BTBD7: variants seen among roughly 807,000 people sequenced by gnomAD.
The protein encoded by BTBD7 is BTB domain containing 7, also known as BTB/POZ domain-containing protein 7.
Under a neutral mutation model 99.9 loss-of-function variants are expected in BTBD7, and 38 were observed. That is an observed-to-expected ratio of 0.38 (90% CI 0.29 to 0.50). BTBD7 has a LOEUF of 0.50. BTBD7 is among the 20% of genes least tolerant of loss of function. BTBD7 has a pLI of 0.93. For synonymous variants in BTBD7, 520 were observed against 511.4 expected, an observed-to-expected ratio of 1.02 and a Z score of -0.23; for missense variants, 1,170 against 1,394.6, an observed-to-expected ratio of 0.84 and a Z score of 2.57.
chr14:93,305,294 C>A (rs2053056934), intron 1 of BTBD7, among the ~76,000 whole-genome samples: 1 of 152,136 alleles, frequency 6.6e-6, no homozygotes, highest in Non-Finnish European at 1.5e-5. Flanking sequence ...TTTAAAGAAT[C>A]TTTGTTGGCA....
chr14:93,251,109 T>C (rs974539137), intron 8 of BTBD7, among the ~76,000 whole-genome samples: 1 of 152,230 alleles, frequency 6.6e-6, no homozygotes, highest in African/African-American at 2.4e-5. Context: ...GAGGTGTGCA[T>C]GCATGCACAT....
intron 3 of BTBD7, among the ~76,000 whole-genome samples, chr14:93,265,649 C>T (rs906009715): frequency 9.9e-5 from 15 of 152,186 alleles, no homozygotes; most frequent in African/African-American, 2.9e-4. Context: ...GGGCCGGGTG[C>T]GGCGGCGCAC....
At position 93,294,085 on chromosome 14, in the gene BTBD7, C is replaced by A. The variant is rs1222809253; in HGVS notation, c.935G>T (p.Arg312Ile). The A allele has an allele frequency of 3.7e-6, 6 of 1,614,028 alleles. No individual in the cohort carries two copies. In the Admixed American group the frequency reaches 6.7e-5, roughly 18 times the overall value. ...TATAATGGACTCATCTAATATAATT[C>A]TTGTGGGAGTCCTCAAAGTTCGGTC... The part of the protein sequence containing the change: ...ITDRTLRTPT[R>I]IILDESIIPK... Residue 312 changes from arginine to isoleucine, a missense_variant, in exon 3 of 11, where the codon AGA becomes ATA. By Grantham distance (97) the Arg-to-Ile change is moderately conservative. Coordinates refer to ENST00000334746, the MANE Select transcript of BTBD7 (RefSeq NM_001002860.4).
At chr14:93,265,366 C>T (rs774812397) in intron 3 of BTBD7, among the ~76,000 whole-genome samples, 3 of 152,206 alleles carry the variant, frequency 2.0e-5, no homozygotes, top group Non-Finnish European at 2.9e-5. Context: ...TTCCACAAAG[C>T]ATTTAGAAAA....
chr14:93,294,706 T>C lies in BTBD7; in HGVS notation c.314A>G (p.Tyr105Cys). 6 of 1,614,126 alleles carry C rather than the reference T, an allele frequency of 3.7e-6. No individual in the cohort carries two copies. The highest frequency in any genetic ancestry group is 5.1e-6 in the Non-Finnish European group (6 of 1,180,028). ...VRDVNALVEE[Y>C]EGTSALKELS... Reference sequence around the variant, plus strand: ...CTCCTTTAATGCTGATGTTCCCTCATATTCCTCCACTAATGCATTGACATC... The same window carrying C: ...CTCCTTTAATGCTGATGTTCCCTCACATTCCTCCACTAATGCATTGACATC... The change falls in exon 3 of 11, where the codon TAT becomes TGT. Residue 105 changes from tyrosine to cysteine, a missense_variant. Tyr to Cys is a radical substitution (Grantham distance 194). Coordinates refer to ENST00000334746, the MANE Select transcript of BTBD7 (RefSeq NM_001002860.4).
chr14:93,274,731 C>T (rs1029202304), intron 3 of BTBD7, among the ~76,000 whole-genome samples: 2 of 152,112 alleles, frequency 1.3e-5, no homozygotes, highest in East Asian at 3.9e-4. Flanking sequence ...AGTCCTTATA[C>T]GAGGCTCTAC....
chr14:93,265,705 T>C (rs1205288039), intron 3 of BTBD7, among the ~76,000 whole-genome samples: 2 of 152,256 alleles, frequency 1.3e-5, no homozygotes, highest in Non-Finnish European at 2.9e-5. Context: ...GTGGATCACC[T>C]GAGGTCAGGA....
At chr14:93,292,129 G>A (rs2052863651) in intron 3 of BTBD7, among the ~76,000 whole-genome samples, 1 of 152,178 alleles carries the variant, frequency 6.6e-6, no homozygotes, top group Non-Finnish European at 1.5e-5. Context: ...GGAGGTTGCA[G>A]TGAGCCGAAA....
intron 1 of BTBD7, among the ~76,000 whole-genome samples, chr14:93,321,059 A>C (rs2053263709): frequency 6.6e-6 from 1 of 152,230 alleles, no homozygotes; most frequent in Non-Finnish European, 1.5e-5. Context: ...GGTTATAAAA[A>C]ATGAGCTTGT....
chr14:93,316,575 C>T (rs912841825), intron 1 of BTBD7, among the ~76,000 whole-genome samples: 4 of 152,222 alleles, frequency 2.6e-5, no homozygotes, highest in South Asian at 2.1e-4. Context: ...TTATTGTTCC[C>T]TTTTTCCACT....
chr14:93,298,422 T>C (rs1298011390), intron 1 of BTBD7, among the ~76,000 whole-genome samples: 1 of 152,238 alleles, frequency 6.6e-6, no homozygotes, highest in Non-Finnish European at 1.5e-5. Context: ...GATGGTTCAA[T>C]GTACATAAAC....
intron 8 of BTBD7, among the ~76,000 whole-genome samples, chr14:93,249,732 C>T (rs2052350554): frequency 6.6e-6 from 1 of 152,050 alleles, no homozygotes; most frequent in African/African-American, 2.4e-5. Flanking sequence ...TACTATCTGC[C>T]CCTTTCTAGA....
At chr14:93,272,588 C>T (rs185745130) in intron 3 of BTBD7, among the ~76,000 whole-genome samples, 4 of 152,278 alleles carry the variant, frequency 2.6e-5, no homozygotes, top group Non-Finnish European at 4.4e-5. Flanking sequence ...CTGTCTCCCT[C>T]CACCCAGGAT....
chr14:93,300,787 T>TA lies in BTBD7; in HGVS notation c.-106-4631_-106-4630insT, dbSNP rs1491496046. ...GTGTGTGTGTGTATATATATATATA[T>TA]TTTTTTTTTGTAGAGATAGGGTTTT... On this transcript the variant is annotated intron_variant, in intron 1 of 10. Coordinates refer to ENST00000334746, the MANE Select transcript of BTBD7 (RefSeq NM_001002860.4). Among the ~76,000 whole-genome samples the TA allele has an allele frequency of 1.7e-3, 200 of 120,830 alleles. 12 individuals carry two copies. Among genetic ancestry groups the TA allele is most frequent in the Middle Eastern group, 4.1e-3 (1 of 242 alleles). 79.3% of individuals were successfully genotyped at this position (120,830 alleles called of 152,430 possible).
At chr14:93,300,487 A>G (rs1239437854) in intron 1 of BTBD7, among the ~76,000 whole-genome samples, 1 of 151,628 alleles carries the variant, frequency 6.6e-6, no homozygotes, top group South Asian at 2.1e-4. Context: ...TGAACTCCTG[A>G]TCTTGTGATT....
chr14:93,263,745 C>T, intron 4 of BTBD7, 40 bp downstream of exon 4: 1 of 1,563,256 alleles, frequency 6.4e-7, no homozygotes, highest in Non-Finnish European at 8.8e-7. Flanking sequence ...TCTTGGCGCA[C>T]ATATGAATGA....
chr14:93,265,912 ACT>A (rs1372339190), intron 3 of BTBD7, among the ~76,000 whole-genome samples: 2 of 152,226 alleles, frequency 1.3e-5, no homozygotes, highest in Non-Finnish European at 1.5e-5. Context: ...ACAGAGTGAG[ACT>A]CTGTCTCGAA....
chr14:93,305,514 C>T (rs2053059885), intron 1 of BTBD7, among the ~76,000 whole-genome samples: 1 of 152,356 alleles, frequency 6.6e-6, no homozygotes, highest in Admixed American at 6.5e-5. Flanking sequence ...AACTCTCACT[C>T]TCACAAGCAT....
chr14:93,253,941 C>A, intron 6 of BTBD7, 151 bp from the exon 7 acceptor site: 1 of 428,474 alleles, frequency 2.3e-6, no homozygotes. Context: ...AGAAATACCT[C>A]AAATTTTTTT....
Sources: gnomAD v4.1 joint callset for allele counts (sites outside exome capture counted in the v4.1 genomes callset) on GRCh38, gnomAD v4.1.1 for gene constraint, MANE v1.5 for transcripts, NCBI Gene and HGNC (gene_info 2026-07-23, HGNC 2026-07-21) for gene names.